SLC35G6: variants seen among roughly 807,000 people sequenced by gnomAD.
The protein encoded by SLC35G6 is solute carrier family 35 member G6.
SLC35G6 carries 18 observed loss-of-function variants against 20.3 expected under a neutral mutation model. That is an observed-to-expected ratio of 0.88 (90% confidence interval 0.61 to 1.31). The LOEUF (loss-of-function observed/expected upper bound fraction) is 1.31. SLC35G6 is among the 40% of genes most tolerant of loss of function. The pLI, the probability that SLC35G6 is intolerant of heterozygous loss-of-function variation, is 0.00. For synonymous variants in SLC35G6, 156 were observed against 200.9 expected (o/e 0.78, Z 1.89); for missense variants, 372 against 433.4 (o/e 0.86, Z 1.26).
chr17:7,481,603 G>C, intron 1 of SLC35G6, 84 bp downstream of exon 1: 1 of 988,348 alleles, frequency 1.0e-6, no homozygotes, highest in Non-Finnish European at 1.4e-6. Flanking sequence ...AAACTTAGCT[G>C]TCTCAGAGAT....
Position 7,482,210 on chromosome 17 carries a change from C to A in SLC35G6, c.226C>A (p.Arg76=). Residue 76 remains arginine (R), a synonymous_variant, in exon 2 of 2, where the codon CGA becomes AGA. Coordinates refer to ENST00000412468, the MANE Select transcript of SLC35G6 (RefSeq NM_001102614.2). ...GCCCTCGCTGGAGCTGCTCATCTGT[C>A]GATGCCTCTTCCACCTCCCTATTGC... ...NLPSLELLIC[R]CLFHLPIALL... 6.2e-7 allele frequency: 1 copy of A among 1,614,004 alleles called. No homozygotes were observed. The highest frequency in any genetic ancestry group is 1.7e-5 in the Admixed American group (1 of 60,026).
Position 7,482,896 on chromosome 17 carries a change from T to G in SLC35G6, c.912T>G (p.Thr304=). The G allele has an allele frequency of 1.2e-6, 2 of 1,612,014 alleles. No homozygotes were observed. Among genetic ancestry groups the G allele is most frequent in the Non-Finnish European group, 1.7e-6 (2 of 1,179,862 alleles). Residue 304 remains threonine (T), a synonymous_variant, in exon 2 of 2, where the codon ACT becomes ACG. Transcript: ENST00000412468. ...LILQYYMLHE[T]VAPSDIVGAG... is the part of the protein sequence containing the mutation. The stretch of plus-strand genomic sequence containing the variant: ...TGCAGTATTATATGCTCCATGAGAC[T>G]GTGGCACCTTCTGACATCGTGGGGG...
chr17:7,483,017 C>G lies in SLC35G6; in HGVS notation c.*16C>G. On this transcript the variant is annotated 3_prime_UTR_variant, in exon 2 of 2. Transcript: ENST00000412468. ...GGAGGAGTGAGATAGAACTTGGGAG[C>G]CCGGGGGTTGGGAGGGACAGGGATA... 1.2e-6 allele frequency: 2 copies of G among 1,611,780 alleles called. No individual in the cohort carries two copies. The highest frequency in any genetic ancestry group is 1.7e-6 in the Non-Finnish European group (2 of 1,179,818).
In SLC35G6 at chr17:7,482,289, GC is replaced by G. The variant is rs758623019; in HGVS notation, c.307del (p.Arg103GlyfsTer65). The G allele has an allele frequency of 1.9e-6, 3 of 1,614,034 alleles. No individual in the cohort carries two copies. The highest frequency in any genetic ancestry group is 3.3e-5 in the Admixed American group (2 of 60,030). ...CTTCTGGGACCTCCTGACATCCGAGGCCGGGCCTACTTCTATGCCCTGCTCA... is the reference window on the plus strand; with the variant it reads ...CTTCTGGGACCTCCTGACATCCGAGGCGGGCCTACTTCTATGCCCTGCTCA... The part of the protein sequence containing the change: ...DPLLGPPDIR[G>X]RAYFYALLNV... On this transcript the variant is annotated frameshift_variant, in exon 2 of 2. Transcript: ENST00000412468. LOFTEE classifies it high-confidence loss of function.
Position 7,482,011 on chromosome 17 carries a change from C to T in SLC35G6, c.27C>T (p.Asn9=), listed in dbSNP as rs1437779045. MAGSHPYL[N]PPDSTHPSPP... is the part of the protein sequence containing the mutation. ...AGGCTGGCAGTCACCCCTACTTGAACCCGCCTGACTCCACACACCCATCGC... is the reference window on the plus strand; with the variant it reads ...AGGCTGGCAGTCACCCCTACTTGAATCCGCCTGACTCCACACACCCATCGC... The change falls in exon 2 of 2, where the codon AAC becomes AAT. Residue 9 remains asparagine (N), a synonymous_variant. Coordinates refer to ENST00000412468, the MANE Select transcript of SLC35G6 (RefSeq NM_001102614.2). The T allele has an allele frequency of 3.1e-6, 5 of 1,603,704 alleles. No homozygotes were observed. Among genetic ancestry groups the T allele is most frequent in the Non-Finnish European group, 2.6e-6 (3 of 1,173,988 alleles).
intron 1 of SLC35G6, 25 bp from the exon 2 acceptor site, chr17:7,481,963 C>T: frequency 6.4e-7 from 1 of 1,567,494 alleles, no homozygotes; most frequent in Non-Finnish European, 8.6e-7. Context: ...CTGCTGTCTA[C>T]CCTGAGCTCC....
chr17:7,481,874 T>C (rs1298459683), intron 1 of SLC35G6, 114 bp from the exon 2 acceptor site: 3 of 1,402,670 alleles, frequency 2.1e-6, no homozygotes, highest in African/African-American at 2.9e-5. Context: ...CTCAGCAAGA[T>C]AGCCCAACAC....
In SLC35G6 at chr17:7,482,564, G is replaced by T. The variant is rs1442567222; in HGVS notation, c.580G>T (p.Gly194Trp). ...GGGTGTCTACACCGCCCTGGGCTAT[G>T]GGCAGGCTTTCGTGGGAGGACTGGC... ...ITGVYTALGY[G>W]QAFVGGLALS... The change falls in exon 2 of 2, where the codon GGG (glycine) becomes TGG (tryptophan). Residue 194 changes from glycine (G) to tryptophan (W), a missense_variant. Gly to Trp is a radical substitution (Grantham distance 184). Coordinates refer to ENST00000412468, the MANE Select transcript of SLC35G6 (RefSeq NM_001102614.2). 6.2e-7 allele frequency: 1 copy of T among 1,612,370 alleles called. No individual in the cohort carries two copies. Among genetic ancestry groups the T allele is most frequent in the Non-Finnish European group, 8.5e-7 (1 of 1,179,940 alleles).
rs1158872904 is a variant in SLC35G6 at position 7,483,003 on chromosome 17, A to C, written c.*2A>C. ...AGGGAAGGGAAGGTGGAGGAGTGAG[A>C]TAGAACTTGGGAGCCCGGGGGTTGG... On this transcript the variant is annotated 3_prime_UTR_variant, in exon 2 of 2. Transcript: ENST00000412468. 1 of 1,611,870 alleles carries C rather than the reference A, an allele frequency of 6.2e-7. No homozygotes were observed. The highest frequency in any genetic ancestry group is 8.5e-7 in the Non-Finnish European group (1 of 1,179,830).
At chr17:7,481,643 C>G in intron 1 of SLC35G6, 124 bp downstream of exon 1, 3 of 724,680 alleles carry the variant, frequency 4.1e-6, no homozygotes, top group Non-Finnish European at 6.6e-6. Flanking sequence ...AATGGTGTAC[C>G]CAGATGTCTC....
chr17:7,482,336 G>A lies in SLC35G6; in HGVS notation c.352G>A (p.Ala118Thr), dbSNP rs746372455. ...GCTCAACGTCCTCAGCATTGGATGT[G>A]CCTACAGTGCGGTTCAGGTGGTGCC... Reference protein sequence around the residue: ...ALLNVLSIGCAYSAVQVVPAG... With the variant: ...ALLNVLSIGCTYSAVQVVPAG... Residue 118 changes from alanine to threonine, a missense_variant, in exon 2 of 2, where the codon GCC (alanine) becomes ACC (threonine). By Grantham distance (58) the Ala-to-Thr change is moderately conservative. Coordinates refer to ENST00000412468, the MANE Select transcript of SLC35G6 (RefSeq NM_001102614.2). The A allele has an allele frequency of 4.3e-6, 7 of 1,613,906 alleles. No individual in the cohort carries two copies. The highest frequency in any genetic ancestry group is 5.1e-6 in the Non-Finnish European group (6 of 1,179,876).
intron 1 of SLC35G6, among the ~76,000 whole-genome samples, 195 bp downstream of exon 1, chr17:7,481,714 G>C (rs939029355): frequency 1.3e-5 from 2 of 152,090 alleles, no homozygotes; most frequent in Non-Finnish European, 2.9e-5. Flanking sequence ...TCCTCAATCC[G>C]AGAGAGCATC....
chr17:7,481,599 A>G, intron 1 of SLC35G6, 80 bp downstream of exon 1: 1 of 1,047,782 alleles, frequency 9.5e-7, no homozygotes, highest in Non-Finnish European at 1.3e-6. Context: ...CCTAAAACTT[A>G]GCTGTCTCAG....
rs761186725 is a variant in SLC35G6 at position 7,481,951 on chromosome 17, G to A, written c.4-37G>A. The A allele has an allele frequency of 4.1e-5, 64 of 1,550,702 alleles. No homozygotes were observed. The Admixed American group carries it at 8.9e-4, about 22-fold the overall frequency. ...CCCTGCCCCAGGTCGCCTGGGCTGC[G>A]GCTGCTGTCTACCCTGAGCTCCTTT... On this transcript the variant is annotated intron_variant, in intron 1 of 1. Transcript: ENST00000412468.
At position 7,482,104 on chromosome 17, in the gene SLC35G6, G is replaced by C; in HGVS notation, c.120G>C (p.Leu40=). Residue 40 remains leucine (L), a synonymous_variant, in exon 2 of 2, where the codon CTG becomes CTC. Transcript: ENST00000412468. ...AGCCCTCTGATGCCACCAATGGCCT[G>C]CTGGTGGCCCTGCTGGGTGGGGGCC... ...CCQPSDATNG[L]LVALLGGGLP... 1 of 1,614,190 alleles carries C rather than the reference G, an allele frequency of 6.2e-7. No homozygotes were observed. The highest frequency in any genetic ancestry group is 2.2e-5 in the East Asian group (1 of 44,880).
At position 7,483,283 on chromosome 17, in the gene SLC35G6, C is replaced by T. The variant is rs368242115; in HGVS notation, c.*282C>T. On this transcript the variant is annotated 3_prime_UTR_variant, in exon 2 of 2. Transcript: ENST00000412468. ...ATCCAAACGGCTGAGGCAGGGAGGC[C>T]GTGGGCCACGGGGAGGACTTCACTC... The T allele has an allele frequency of 2.0e-5, 11 of 562,882 alleles. No individual in the cohort carries two copies. Among genetic ancestry groups the T allele is most frequent in the East Asian group, 1.3e-4 (4 of 30,834 alleles). 34.9% of individuals were successfully genotyped at this position (562,882 alleles called of 1,614,324 possible). A position where few individuals can be genotyped will look rare whatever the true frequency, so the allele number is the denominator to read the frequency against.
chr17:7,481,512 G>C lies in SLC35G6; in HGVS notation c.-5G>C, dbSNP rs897546105. ...CCAGGAGGAGAGGAGAAAGTCCAAG[G>C]AAAGATGGTGAGTGTGGGGGCCAGG... On this transcript the variant is annotated 5_prime_UTR_variant, in exon 1 of 2. Coordinates refer to ENST00000412468, the MANE Select transcript of SLC35G6 (RefSeq NM_001102614.2). The C allele has an allele frequency of 1.9e-6, 3 of 1,560,450 alleles. No homozygotes were observed. In the African/African-American group the frequency reaches 4.2e-5, roughly 22 times the overall value.
At position 7,482,766 on chromosome 17, in the gene SLC35G6, T is replaced by G; in HGVS notation, c.782T>G (p.Ile261Ser). Residue 261 changes from isoleucine to serine, a missense_variant, in exon 2 of 2, where the codon ATC becomes AGC. Coordinates refer to ENST00000412468, the MANE Select transcript of SLC35G6 (RefSeq NM_001102614.2). Reference sequence around the variant, plus strand: ...TGGAGTTGTGTGGGGGCAGTGGGGATCCTCGCCTTGGTCTCCTTCACATGT... The same window carrying G: ...TGGAGTTGTGTGGGGGCAGTGGGGAGCCTCGCCTTGGTCTCCTTCACATGT... ...PSWSCVGAVG[I>S]LALVSFTCVS... 6.2e-7 allele frequency: 1 copy of G among 1,612,014 alleles called. No individual in the cohort carries two copies. Among genetic ancestry groups the G allele is most frequent in the Non-Finnish European group, 8.5e-7 (1 of 1,179,854 alleles).
rs2070363639 is a variant in SLC35G6, at chr17:7,482,798, T to C, written c.814T>C (p.Tyr272His). 1 of 1,611,928 alleles carries C rather than the reference T, an allele frequency of 6.2e-7. No individual in the cohort carries two copies. Among genetic ancestry groups the C allele is most frequent in the African/African-American group, 1.3e-5 (1 of 74,852 alleles). Residue 272 changes from tyrosine (Y) to histidine (H), a missense_variant, in exon 2 of 2, where the codon TAT (tyrosine) becomes CAT (histidine). Tyr to His is a moderately conservative substitution (Grantham distance 83). Transcript: ENST00000412468. ...LALVSFTCVSYAVTKAHPALV... is the reference protein window; with the variant it reads ...LALVSFTCVSHAVTKAHPALV... The stretch of plus-strand genomic sequence containing the variant: ...CTTGGTCTCCTTCACATGTGTGAGC[T>C]ATGCGGTCACCAAGGCCCACCCTGC...
Sources: allele counts gnomAD v4.1 joint callset (sites outside exome capture counted in the v4.1 genomes callset), GRCh38; gene constraint gnomAD v4.1.1; transcripts MANE v1.5; gene names NCBI Gene and HGNC (gene_info 2026-07-23, HGNC 2026-07-21).